The following SSTR5 variants were observed in gnomAD, a reference collection of about 807,000 sequenced individuals.
SSTR5 encodes the protein somatostatin receptor 5.
A neutral mutation model predicts 0.3 loss-of-function variants in SSTR5; 1 was observed. That is an observed-to-expected ratio of 2.98 (90% CI 1.06 to 14.15). SSTR5 has a LOEUF of 14.15. Ranked by LOEUF, SSTR5 falls within the 30% of genes most tolerant of loss-of-function variation. SSTR5 has a pLI of 0.12. For synonymous variants in SSTR5, 256 were observed against 263.1 expected, an observed-to-expected ratio of 0.97 and a Z score of 0.26; for missense variants, 516 against 543.2, an observed-to-expected ratio of 0.95 and a Z score of 0.50.
At chr16:1,073,221 TGGA>T (rs1960124386) in intron 1 of SSTR5, 1 of 150,078 alleles carries the variant, frequency 6.7e-6, no homozygotes, top group Non-Finnish European at 1.5e-5. Context: ...CTCCTGGAGC[TGGA>T]GGAGGGTGGG....
chr16:1,077,207 G>A (rs1960229946), intron 1 of SSTR5, among the ~76,000 whole-genome samples: 2 of 152,134 alleles, frequency 1.3e-5, no homozygotes, highest in Non-Finnish European at 1.5e-5. Context: ...CCAGGGTCAG[G>A]GCCGGTCAGC....
At position 1,079,264 on chromosome 16, in the gene SSTR5, C is replaced by T. The variant is rs1466854846; in HGVS notation, c.396C>T (p.Val132=). Residue 132 remains valine (V), a synonymous_variant, in exon 2 of 2, where the codon GTC becomes GTT. Transcript: ENST00000689027. ...TCACCAGTGTCTTCTGCCTGACAGT[C>T]ATGAGCGTGGACCGCTACCTGGCAG... The part of the protein sequence containing the change: ...NQFTSVFCLT[V]MSVDRYLAVV... The T allele has an allele frequency of 6.2e-7, 1 of 1,612,324 alleles. No individual in the cohort carries two copies. Among genetic ancestry groups the T allele is most frequent in the Admixed American group, 1.7e-5 (1 of 60,022 alleles).
At chr16:1,078,676 A>C in intron 1 of SSTR5, 166 bp from the exon 2 acceptor site, 7 of 693,770 alleles carry the variant, frequency 1.0e-5, no homozygotes, top group Non-Finnish European at 1.7e-5. Flanking sequence ...TATTTTCCAA[A>C]CAATTTGCTT....
rs758751881 is a variant in SSTR5, at chr16:1,079,188, T to G, written c.320T>G (p.Phe107Cys). Residue 107 changes from phenylalanine (F) to cysteine (C), a missense_variant, in exon 2 of 2, where the codon TTC becomes TGC. Transcript: ENST00000689027. ...CAGAACGCCGCGTCCTTCTGGCCCT[T>G]CGGCCCCGTCCTGTGCCGCCTGGTC... ...ATQNAASFWP[F>C]GPVLCRLVMT... 1.1e-5 allele frequency: 17 copies of G among 1,612,466 alleles called. 1 individual carries two copies. The South Asian group carries it at 1.9e-4, about 18-fold the overall frequency.
At position 1,080,590 on chromosome 16, in the gene SSTR5, G is replaced by A. The variant is rs922362065; in HGVS notation, c.*627G>A. ...TCCTGGGGGCCCCACCCTGCTGCCC[G>A]ACACCCCCCATGGGAGGCTGCGGGC... On this transcript the variant is annotated 3_prime_UTR_variant, in exon 2 of 2. Transcript: ENST00000689027. 4.6e-5 allele frequency among the ~76,000 whole-genome samples: 7 copies of A among 152,198 alleles called. No homozygotes were observed. Among genetic ancestry groups the A allele is most frequent in the Admixed American group, 6.5e-5 (1 of 15,290 alleles).
intron 1 of SSTR5, among the ~76,000 whole-genome samples, 52 bp downstream of exon 1, chr16:1,072,874 G>A (rs1960115759): frequency 6.8e-6 from 1 of 146,514 alleles, no homozygotes; most frequent in Non-Finnish European, 1.5e-5. Context: ...CCCTGCCCTC[G>A]GCTGTTATCC....
intron 1 of SSTR5, among the ~76,000 whole-genome samples, chr16:1,075,147 TA>T (rs1422996029): frequency 1.3e-5 from 2 of 152,202 alleles, no homozygotes; most frequent in Admixed American, 1.3e-4. Flanking sequence ...TGCTTCCAAA[TA>T]ACGGCTCTTG....
At position 1,078,973 on chromosome 16, in the gene SSTR5, G is replaced by C. The variant is rs575343303; in HGVS notation, c.105G>C (p.Ser35=). 23 of 1,592,270 alleles carry C rather than the reference G, an allele frequency of 1.4e-5. No homozygotes were observed. In the South Asian group the frequency reaches 2.2e-4, roughly 16 times the overall value. Reference sequence around the variant, plus strand: ...GGACGCTGGTGGGGCCGGCGCCCTCGGCAGGGGCCCGGGCGGTGCTGGTGC... The same window carrying C: ...GGACGCTGGTGGGGCCGGCGCCCTCCGCAGGGGCCCGGGCGGTGCTGGTGC... ...DNRTLVGPAP[S]AGARAVLVPV... The change falls in exon 2 of 2, where the codon TCG becomes TCC. Residue 35 remains serine (S), a synonymous_variant. Transcript: ENST00000689027.
In SSTR5 at chr16:1,079,268, A is replaced by G. The variant is rs1331870177; in HGVS notation, c.400A>G (p.Ser134Gly). 1.9e-6 allele frequency: 3 copies of G among 1,612,088 alleles called. No homozygotes were observed. Among genetic ancestry groups the G allele is most frequent in the Non-Finnish European group, 2.5e-6 (3 of 1,179,716 alleles). ...CAGTGTCTTCTGCCTGACAGTCATGAGCGTGGACCGCTACCTGGCAGTGGT... is the reference window on the plus strand; with the variant it reads ...CAGTGTCTTCTGCCTGACAGTCATGGGCGTGGACCGCTACCTGGCAGTGGT... The part of the protein sequence containing the change: ...FTSVFCLTVM[S>G]VDRYLAVVHP... The change falls in exon 2 of 2, where the codon AGC becomes GGC. Residue 134 changes from serine to glycine, a missense_variant. Transcript: ENST00000689027.
rs35328406 is a variant in SSTR5, at chr16:1,079,351, C to T, written c.483C>T (p.Ala161=). 2.0e-3 allele frequency: 3,218 copies of T among 1,602,460 alleles called. 37 individuals are homozygous for T. In the African/African-American group the frequency reaches 0.037, roughly 19 times the overall value. Residue 161 remains alanine, a synonymous_variant, in exon 2 of 2, where the codon GCC becomes GCT. Coordinates refer to ENST00000689027, the MANE Select transcript of SSTR5 (RefSeq NM_001172560.3). ...CGCGTGTGGCCAAGCTGGCGAGCGC[C>T]GCGGCCTGGGTCCTGTCTCTGTGCA... The part of the protein sequence containing the change: ...RRPRVAKLAS[A]AAWVLSLCMS...
Position 1,078,908 on chromosome 16 carries a change from G to A in SSTR5, c.40G>A (p.Ala14Thr), listed in dbSNP as rs146894362. ...LFPASTPSWN[A>T]SSPGAASGGG... ...CCCAGCCTCCACGCCCAGCTGGAAC[G>A]CCTCCTCCCCGGGGGCTGCCTCTGG... is the stretch of plus-strand genomic sequence containing the variant. The change falls in exon 2 of 2, where the codon GCC (alanine) becomes ACC (threonine). Residue 14 changes from alanine (A) to threonine (T), a missense_variant. Ala to Thr is a moderately conservative substitution (Grantham distance 58, BLOSUM62 0). Coordinates refer to ENST00000689027, the MANE Select transcript of SSTR5 (RefSeq NM_001172560.3). 1,670 of 1,605,514 alleles carry A rather than the reference G, an allele frequency of 1.0e-3. 2 individuals carry two copies. Among genetic ancestry groups the A allele is most frequent in the Non-Finnish European group, 1.3e-3 (1,485 of 1,178,516 alleles).
intron 1 of SSTR5, among the ~76,000 whole-genome samples, chr16:1,076,589 C>T (rs963595994): frequency 6.6e-6 from 1 of 151,872 alleles, no homozygotes; most frequent in African/African-American, 2.4e-5. Flanking sequence ...TGCTCTCCCC[C>T]TGCCCACCCC....
At position 1,079,598 on chromosome 16, in the gene SSTR5, C is replaced by A. The variant is rs199523229; in HGVS notation, c.730C>A (p.Arg244=). Residue 244 remains arginine (R), a synonymous_variant, in exon 2 of 2, where the codon CGG becomes AGG. Coordinates refer to ENST00000689027, the MANE Select transcript of SSTR5 (RefSeq NM_001172560.3). ...GGGCTGCGTGCGGCGGCGCTCGGAGCGGAAGGTGACGCGCATGGTGTTGGT... is the reference window on the plus strand; with the variant it reads ...GGGCTGCGTGCGGCGGCGCTCGGAGAGGAAGGTGACGCGCATGGTGTTGGT... The part of the protein sequence containing the change: ...RVGCVRRRSE[R]KVTRMVLVVV... 1.2e-6 allele frequency: 2 copies of A among 1,611,168 alleles called. No homozygotes were observed. The highest frequency in any genetic ancestry group is 3.3e-5 in the Admixed American group (2 of 59,918).
At chr16:1,077,483 G>A (rs1328997624) in intron 1 of SSTR5, 1 of 152,346 alleles carries the variant, frequency 6.6e-6, no homozygotes, top group Admixed American at 6.5e-5. Flanking sequence ...GCGTGCAGTG[G>A]TGTAATCACA....
In SSTR5 at chr16:1,081,408, G is replaced by A. The variant is rs1214266371; in HGVS notation, c.*1445G>A. On this transcript the variant is annotated 3_prime_UTR_variant, in exon 2 of 2. Transcript: ENST00000689027. ...GGAAACATCCAAGCAGTGAGGACAC[G>A]CGTGTTTGACAACTGCTCCCCTGAA... Among the ~76,000 whole-genome samples, 4 of 152,218 alleles carry A rather than the reference G, an allele frequency of 2.6e-5. No individual in the cohort carries two copies. The highest frequency in any genetic ancestry group is 4.8e-5 in the African/African-American group (2 of 41,462).
intron 1 of SSTR5, chr16:1,078,583 C>T: frequency 1.9e-6 from 1 of 526,788 alleles, no homozygotes; most frequent in Non-Finnish European, 3.4e-6. Flanking sequence ...GGGGCGGCCA[C>T]AGGGCAGCTG....
rs769852874 is a variant in SSTR5 at position 1,081,038 on chromosome 16, C to T, written c.*1075C>T. The T allele has an allele frequency of 1.5e-5, 7 of 470,172 alleles. No individual in the cohort carries two copies. Among genetic ancestry groups the T allele is most frequent in the South Asian group, 6.2e-5 (4 of 64,470 alleles). The allele number at this position is 470,172 out of a possible 1,614,324, so 29.1% of individuals were successfully genotyped here. On this transcript the variant is annotated 3_prime_UTR_variant, in exon 2 of 2. Transcript: ENST00000689027. ...TGAGAGGCAGCGGCCGCGCGGGTGACGCAAATGGCAGGCCCTGGGAATCCC... is the reference window on the plus strand; with the variant it reads ...TGAGAGGCAGCGGCCGCGCGGGTGATGCAAATGGCAGGCCCTGGGAATCCC...
chr16:1,078,643 C>G, intron 1 of SSTR5, 199 bp from the exon 2 acceptor site: 1 of 617,846 alleles, frequency 1.6e-6, no homozygotes, highest in Non-Finnish European at 2.8e-6. Flanking sequence ...GCCACCTGCC[C>G]GCCGCTCCTT....
At chr16:1,074,704 A>T (rs1014548699) in intron 1 of SSTR5, among the ~76,000 whole-genome samples, 3 of 152,198 alleles carry the variant, frequency 2.0e-5, no homozygotes, top group Non-Finnish European at 4.4e-5. Flanking sequence ...GACTGGGGCC[A>T]TCTGGGTCCC....
Sources: allele counts gnomAD v4.1 joint callset (sites outside exome capture counted in the v4.1 genomes callset), GRCh38; gene constraint gnomAD v4.1.1; transcripts MANE v1.5; gene names NCBI Gene and HGNC (gene_info 2026-07-23, HGNC 2026-07-21).